Variants in BEGAIN observed in about 807,000 individuals in gnomAD.
BEGAIN encodes brain-enriched guanylate kinase-associated protein.
A neutral mutation model predicts 35.8 loss-of-function variants in BEGAIN; 19 were observed. The ratio of observed to expected loss-of-function variants is 0.53; its 90% CI spans 0.37 to 0.78. The LOEUF is 0.78. BEGAIN is among the 30% of genes least tolerant of loss of function. The probability of loss-of-function intolerance (pLI) is 0.00; values close to 1 mark genes in which losing one functional copy is unlikely to be tolerated. For missense variants in BEGAIN, 795 were observed against 853.6 expected (o/e 0.93, Z 0.85); for synonymous variants, 462 against 388.6 (o/e 1.19, Z -2.22).
chr14:100,579,289 A>G (rs1334262774), intron 1 of BEGAIN, among the ~76,000 whole-genome samples: 1 of 152,240 alleles, frequency 6.6e-6, no homozygotes, highest in African/African-American at 2.4e-5. Context: ...GAGAAAAAGC[A>G]GTTGTTAACG....
intron 1 of BEGAIN, among the ~76,000 whole-genome samples, chr14:100,570,489 C>A (rs1566979224): frequency 6.6e-6 from 1 of 152,006 alleles, no homozygotes; most frequent in Non-Finnish European, 1.5e-5. Flanking sequence ...GAGGCTGTAT[C>A]CTCCATGCGG....
At chr14:100,566,005 G>A (rs2034652544) in intron 2 of BEGAIN, among the ~76,000 whole-genome samples, 2 of 152,226 alleles carry the variant, frequency 1.3e-5, no homozygotes, top group Admixed American at 1.3e-4. Context: ...GAAACCCACT[G>A]GGGCAGCCCC....
intron 4 of BEGAIN, 83 bp downstream of exon 4, chr14:100,544,917 A>G: frequency 7.3e-7 from 1 of 1,365,648 alleles, no homozygotes; most frequent in Non-Finnish European, 1.0e-6. Flanking sequence ...CCAGCTCCTG[A>G]GTGGCCCAGG....
At position 100,538,477 on chromosome 14, in the gene BEGAIN, T is replaced by C; in HGVS notation, c.1331A>G (p.Asp444Gly). ...RGQWRPLSVEDIGAYSYPVSA... is the reference protein window; with the variant it reads ...RGQWRPLSVEGIGAYSYPVSA... The stretch of plus-strand genomic sequence containing the variant: ...CACGGGGTAGGAGTAGGCGCCGATG[T>C]CCTCCACGCTCAGGGGACGCCACTG... Residue 444 changes from aspartate to glycine, a missense_variant, in exon 7 of 7, where the codon GAC becomes GGC. Transcript: ENST00000554140. 1 of 1,563,410 alleles carries C rather than the reference T, an allele frequency of 6.4e-7. No homozygotes were observed. Among genetic ancestry groups the C allele is most frequent in the Non-Finnish European group, 8.6e-7 (1 of 1,159,418 alleles).
chr14:100,540,351 C>T, intron 6 of BEGAIN, 145 bp downstream of exon 6: 1 of 686,216 alleles, frequency 1.5e-6, no homozygotes, highest in Non-Finnish European at 2.5e-6. Context: ...TGTCATGACC[C>T]CACAGGAGCG....
chr14:100,569,900 G>C (rs1427706913), intron 1 of BEGAIN: 1 of 154,088 alleles, frequency 6.5e-6, no homozygotes, highest in Non-Finnish European at 1.5e-5. Flanking sequence ...GAATGGCCAC[G>C]GTAGTCATAA....
At chr14:100,548,704 G>A (rs1271147090) in intron 2 of BEGAIN, 2 of 152,188 alleles carry the variant, frequency 1.3e-5, no homozygotes, top group Non-Finnish European at 2.9e-5. Flanking sequence ...CCCTGCCCCG[G>A]GAGCCTGCGG....
chr14:100,546,745 C>T (rs965852995), intron 2 of BEGAIN, 83 bp from the exon 3 acceptor site: 11 of 1,365,796 alleles, frequency 8.1e-6, no homozygotes, highest in Middle Eastern at 2.3e-4. Flanking sequence ...GGGCGTGCCG[C>T]ACTAACACGC....
chr14:100,538,182 C>T lies in BEGAIN; in HGVS notation c.1626G>A (p.Arg542=). 1.3e-6 allele frequency: 2 copies of T among 1,540,962 alleles called. No homozygotes were observed. The highest frequency in any genetic ancestry group is 1.2e-5 in the South Asian group (1 of 82,518). The change falls in exon 7 of 7, where the codon AGG becomes AGA. Residue 542 remains arginine, a synonymous_variant. Coordinates refer to ENST00000554140, the MANE Select transcript of BEGAIN (RefSeq NM_001385089.1). The stretch of plus-strand genomic sequence containing the variant: ...CGGTCCCACACAGCTGCACCCCGAG[C>T]CTGTCCCCGTCCCCCCCCTCGCTGG... ...YAPSEGGDGD[R]LGVQLCGTAS...
At chr14:100,541,124 G>A (rs2031545435) in intron 5 of BEGAIN, among the ~76,000 whole-genome samples, 1 of 152,394 alleles carries the variant, frequency 6.6e-6, no homozygotes, top group Non-Finnish European at 1.5e-5. Context: ...CTGGGCAGGT[G>A]TGTGACCTCA....
intron 1 of BEGAIN, among the ~76,000 whole-genome samples, chr14:100,583,930 C>G (rs2035380102): frequency 6.6e-6 from 1 of 152,130 alleles, no homozygotes; most frequent in African/African-American, 2.4e-5. Flanking sequence ...AACTCCTGAC[C>G]TCAGGTGGTC....
At chr14:100,582,829 C>T (rs1312068969) in intron 1 of BEGAIN, among the ~76,000 whole-genome samples, 2 of 152,008 alleles carry the variant, frequency 1.3e-5, no homozygotes, top group Non-Finnish European at 2.9e-5. Flanking sequence ...TGGCTTTTCT[C>T]CCACCAAAGT....
In BEGAIN at chr14:100,573,246, GC is replaced by G. The variant is rs1343256837; in HGVS notation, c.43-5308del. On this transcript the variant is annotated intron_variant, in intron 1 of 6. Coordinates refer to ENST00000554140, the MANE Select transcript of BEGAIN (RefSeq NM_001385089.1). The surrounding 1 kb of genome is among the most constrained non-coding windows in gnomAD (Gnocchi z 4.2). ...GGGGGAGGGGCTTCCGGAGGAGGGGGCTGGTGAGTCTGGGGGGAGGGGCTTC... is the reference window on the plus strand; with the variant it reads ...GGGGGAGGGGCTTCCGGAGGAGGGGGTGGTGAGTCTGGGGGGAGGGGCTTC... Among the ~76,000 whole-genome samples the G allele has an allele frequency of 8.6e-6, 1 of 116,582 alleles. No homozygotes were observed. The highest frequency in any genetic ancestry group is 1.7e-5 in the Non-Finnish European group (1 of 58,142). The allele number at this position is 116,582 out of a possible 152,430, so 76.5% of individuals were successfully genotyped here. A position where few individuals can be genotyped will look rare whatever the true frequency, so the allele number is the denominator to read the frequency against.
Position 100,568,074 on chromosome 14 carries a change from T to G in BEGAIN, c.43-135A>C. 9.3e-7 allele frequency: 1 copy of G among 1,080,346 alleles called. No individual in the cohort carries two copies. 66.9% of individuals were successfully genotyped at this position (1,080,346 alleles called of 1,614,324 possible). ...TCCGTGGGAAGCCCGGCGCCGCGCG[T>G]CCCCAGCTTCCAGTCCCGGCCGCGG... On this transcript the variant is annotated intron_variant, in intron 1 of 6. Coordinates refer to ENST00000554140, the MANE Select transcript of BEGAIN (RefSeq NM_001385089.1). This position sits in a 1 kb window ranked among gnomAD's most constrained non-coding sequence, Gnocchi z 7.5.
At chr14:100,552,865 G>T (rs946041587) in intron 2 of BEGAIN, among the ~76,000 whole-genome samples, 6 of 152,234 alleles carry the variant, frequency 3.9e-5, no homozygotes, top group African/African-American at 1.2e-4. Context: ...CGGATGGACT[G>T]GGGGTTGGCC....
At chr14:100,559,870 C>T (rs181282004) in intron 2 of BEGAIN, among the ~76,000 whole-genome samples, 224 of 152,296 alleles carry the variant, frequency 1.5e-3, no homozygotes, top group African/African-American at 5.3e-3. Context: ...CCTGCAGCTA[C>T]GGGGAGGGTT....
chr14:100,584,210 T>C (rs1790292935), intron 1 of BEGAIN, among the ~76,000 whole-genome samples: 1 of 152,160 alleles, frequency 6.6e-6, no homozygotes. Context: ...CCCATCTCCA[T>C]CCCTGACTTG....
At chr14:100,541,922 G>A (rs1253788763) in intron 5 of BEGAIN, among the ~76,000 whole-genome samples, 7 of 152,192 alleles carry the variant, frequency 4.6e-5, no homozygotes, top group Admixed American at 2.0e-4. Flanking sequence ...CCCAGGGCCC[G>A]GGGCTGCTGG....
intron 2 of BEGAIN, among the ~76,000 whole-genome samples, chr14:100,553,047 C>T (rs534930919): frequency 5.3e-5 from 8 of 152,166 alleles, no homozygotes; most frequent in South Asian, 2.1e-4. Flanking sequence ...AGGTTTTGTC[C>T]GTGCCTCCAG....
Sources: allele counts gnomAD v4.1 joint callset (sites outside exome capture counted in the v4.1 genomes callset), GRCh38; gene constraint gnomAD v4.1.1; non-coding constraint Gnocchi (gnomAD v3.1); transcripts MANE v1.5; gene names NCBI Gene and HGNC (gene_info 2026-07-23, HGNC 2026-07-21).